Variants in PLD5 observed in about 807,000 individuals in gnomAD.
PLD5 encodes inactive phospholipase D5.
PLD5 carries 36 observed loss-of-function variants against 61.1 expected under a neutral mutation model. The ratio of observed to expected loss-of-function variants is 0.59; its 90% confidence interval spans 0.45 to 0.78. The LOEUF is 0.78. Ranked by LOEUF, PLD5 falls within the 30% of genes least tolerant of loss-of-function variation. The pLI, the probability that PLD5 is intolerant of heterozygous loss-of-function variation, is 0.00. For missense variants in PLD5, 515 were observed against 644.4 expected, an observed-to-expected ratio of 0.80 and a Z score of 2.17; for synonymous variants, 243 against 242.8, an observed-to-expected ratio of 1.00 and a Z score of -0.01.
intron 2 of PLD5, among the ~76,000 whole-genome samples, chr1:242,309,839 G>A (rs553073584): frequency 8.1e-6 from 1 of 124,166 alleles, no homozygotes; most frequent in Non-Finnish European, 1.7e-5. Flanking sequence ...GCAAGCTCCT[G>A]CCTGACGGGA....
rs550291983 is a variant in PLD5 at position 242,261,705 on chromosome 1, A to C, written c.607+3632T>G. 9.8e-4 allele frequency among the ~76,000 whole-genome samples: 149 copies of C among 152,346 alleles called. 1 individual carries two copies. Among genetic ancestry groups the C allele is most frequent in the African/African-American group, 3.5e-3 (146 of 41,582 alleles). ...TTGCAGAGGCACCTTCTCCAAGAGA[A>C]TATGGAAATGGTCAATAAGCATATG... On this transcript the variant is annotated intron_variant, in intron 4 of 9. Coordinates refer to ENST00000536534, the MANE Select transcript of PLD5 (RefSeq NM_001372062.1).
At chr1:242,480,813 T>C (rs561534800) in intron 1 of PLD5, among the ~76,000 whole-genome samples, 1 of 152,240 alleles carries the variant, frequency 6.6e-6, no homozygotes, top group African/African-American at 2.4e-5. Context: ...ACTACACACA[T>C]ACTAAAATAT....
At chr1:242,310,129 A>G (rs915242055) in intron 2 of PLD5, among the ~76,000 whole-genome samples, 4 of 152,130 alleles carry the variant, frequency 2.6e-5, no homozygotes, top group African/African-American at 9.7e-5. Context: ...GCTGGGGCAT[A>G]AAGTCAGCAG....
At chr1:242,171,688 G>T (rs2196416) in intron 5 of PLD5, among the ~76,000 whole-genome samples, 126,359 of 150,632 alleles carry the variant, frequency 0.84, 53,488 homozygotes, top group African/African-American at 0.95. Context: ...AATAAAGAGA[G>T]GGAGGAATAT....
chr1:242,230,192 C>T (rs1671211656), intron 4 of PLD5, among the ~76,000 whole-genome samples: 1 of 152,144 alleles, frequency 6.6e-6, no homozygotes, highest in Non-Finnish European at 1.5e-5. Flanking sequence ...ATGCCTAATC[C>T]CATATGTCTA....
chr1:242,524,317 G>A lies in PLD5; in HGVS notation c.-41C>T. 1.5e-6 allele frequency: 2 copies of A among 1,367,248 alleles called. No individual in the cohort carries two copies. Among genetic ancestry groups the A allele is most frequent in the Non-Finnish European group, 1.9e-6 (2 of 1,068,490 alleles). The allele number at this position is 1,367,248 out of a possible 1,614,324, so 84.7% of individuals were successfully genotyped here. ...CGGCCGCCGGCGAGCAGCGGACTCG[G>A]GACGGGCGCGCGGGGAGCCGGGCGC... On this transcript the variant is annotated 5_prime_UTR_variant, in exon 1 of 10. Coordinates refer to ENST00000536534, the MANE Select transcript of PLD5 (RefSeq NM_001372062.1).
chr1:242,354,545 G>T (rs868548637), intron 1 of PLD5, among the ~76,000 whole-genome samples: 1 of 152,120 alleles, frequency 6.6e-6, no homozygotes, highest in Non-Finnish European at 1.5e-5. Flanking sequence ...CCAATCTGGG[G>T]TCTTCTGTCC....
At chr1:242,191,563 G>A (rs1234322711) in intron 5 of PLD5, among the ~76,000 whole-genome samples, 2 of 152,036 alleles carry the variant, frequency 1.3e-5, no homozygotes, top group African/African-American at 4.8e-5. Context: ...TCCAGCCTGG[G>A]CAATGGAGCA....
At chr1:242,305,185 A>G (rs1676278095) in intron 2 of PLD5, among the ~76,000 whole-genome samples, 1 of 152,226 alleles carries the variant, frequency 6.6e-6, no homozygotes, top group African/African-American at 2.4e-5. Context: ...ATATTTTTAG[A>G]AATCATTACA....
intron 1 of PLD5, among the ~76,000 whole-genome samples, chr1:242,461,302 A>G (rs1667111480): frequency 6.6e-6 from 1 of 152,166 alleles, no homozygotes; most frequent in Non-Finnish European, 1.5e-5. Context: ...TCAACCTGGC[A>G]TAGTGATATT....
chr1:242,386,773 T>C (rs967064074), intron 1 of PLD5, among the ~76,000 whole-genome samples: 1 of 152,192 alleles, frequency 6.6e-6, no homozygotes, highest in African/African-American at 2.4e-5. Flanking sequence ...CAATTGAGAT[T>C]TGAATATAGA....
In PLD5 at chr1:242,088,011, A is replaced by G. The variant is rs1006380115; in HGVS notation, c.*1843T>C. 6.6e-5 allele frequency: 10 copies of G among 152,252 alleles called. No homozygotes were observed. Among genetic ancestry groups the G allele is most frequent in the African/African-American group, 2.4e-4 (10 of 41,466 alleles). 9.4% of individuals were successfully genotyped at this position (152,252 alleles called of 1,614,324 possible). ...AATACTTGCAAATAACAAGAAGGGA[A>G]GTAATGTGATCACTCACTGGATAAC... On this transcript the variant is annotated 3_prime_UTR_variant, in exon 10 of 10. Transcript: ENST00000536534.
At chr1:242,172,961 G>A (rs1666856669) in intron 5 of PLD5, among the ~76,000 whole-genome samples, 2 of 151,996 alleles carry the variant, frequency 1.3e-5, no homozygotes, top group South Asian at 2.1e-4. Context: ...ACAAAGAGGA[G>A]CTGGTACCAT....
chr1:242,521,023 G>T (rs951484817), intron 1 of PLD5, among the ~76,000 whole-genome samples: 1 of 152,176 alleles, frequency 6.6e-6, no homozygotes, highest in East Asian at 1.9e-4. Flanking sequence ...ACAACCAAGA[G>T]CATTATTTGT....
In PLD5 at chr1:242,524,317, G is replaced by C; in HGVS notation, c.-41C>G. 1 of 1,367,248 alleles carries C rather than the reference G, an allele frequency of 7.3e-7. No homozygotes were observed. The highest frequency in any genetic ancestry group is 1.7e-5 in the South Asian group (1 of 58,030). The allele number at this position is 1,367,248 out of a possible 1,614,324, so 84.7% of individuals were successfully genotyped here. A position where few individuals can be genotyped will look rare whatever the true frequency, so the allele number is the denominator to read the frequency against. Reference sequence around the variant, plus strand: ...CGGCCGCCGGCGAGCAGCGGACTCGGGACGGGCGCGCGGGGAGCCGGGCGC... The same window carrying C: ...CGGCCGCCGGCGAGCAGCGGACTCGCGACGGGCGCGCGGGGAGCCGGGCGC... On this transcript the variant is annotated 5_prime_UTR_variant, in exon 1 of 10. Coordinates refer to ENST00000536534, the MANE Select transcript of PLD5 (RefSeq NM_001372062.1).
At chr1:242,366,920 C>T (rs1360784965) in intron 1 of PLD5, among the ~76,000 whole-genome samples, 2 of 152,022 alleles carry the variant, frequency 1.3e-5, no homozygotes, top group Non-Finnish European at 1.5e-5. Flanking sequence ...TACTTATAAA[C>T]TTCCATTGAT....
Position 242,194,665 on chromosome 1 carries a change from T to TCTATCTAC in PLD5, c.735+25322_735+25323insGTAGATAG, listed in dbSNP as rs1553321151. ...ATCTATCTATCTATCTATCTATCTATCTACCTATCTATGATAGAATACTAC... is the reference window on the plus strand; with the variant it reads ...ATCTATCTATCTATCTATCTATCTATCTATCTACCTACCTATCTATGATAGAATACTAC... On this transcript the variant is annotated intron_variant, in intron 5 of 9. Coordinates refer to ENST00000536534, the MANE Select transcript of PLD5 (RefSeq NM_001372062.1). 4.7e-5 allele frequency among the ~76,000 whole-genome samples: 7 copies of TCTATCTAC among 148,492 alleles called. No homozygotes were observed. In the East Asian group the frequency reaches 1.4e-3, roughly 29 times the overall value.
Position 242,256,586 on chromosome 1 carries a change from G to T in PLD5, c.607+8751C>A, listed in dbSNP as rs1009656271. Among the ~76,000 whole-genome samples the T allele has an allele frequency of 1.3e-5, 2 of 152,152 alleles. No individual in the cohort carries two copies. The highest frequency in any genetic ancestry group is 4.8e-5 in the African/African-American group (2 of 41,442). On this transcript the variant is annotated intron_variant, in intron 4 of 9. Coordinates refer to ENST00000536534, the MANE Select transcript of PLD5 (RefSeq NM_001372062.1). The surrounding 1 kb of genome is among the most constrained non-coding windows in gnomAD (Gnocchi z 5.7). ...TTCCCTCTGGGGGATGCAGTAACAA[G>T]GCGCCATCTTGGAAGCACAGAGCAG...
intron 1 of PLD5, among the ~76,000 whole-genome samples, chr1:242,523,343 GT>G (rs112208579): frequency 0.05 from 7,371 of 147,088 alleles, 583 homozygotes; most frequent in African/African-American, 0.17. Flanking sequence ...TTTTTAGAAG[GT>G]TTTTTTTTTT....
Sources: gnomAD v4.1 joint callset for allele counts (sites outside exome capture counted in the v4.1 genomes callset) on GRCh38, gnomAD v4.1.1 for gene constraint, Gnocchi (gnomAD v3.1) non-coding constraint, MANE v1.5 for transcripts, NCBI Gene and HGNC (gene_info 2026-07-23, HGNC 2026-07-21) for gene names.